TTC28: variants seen among roughly 807,000 people sequenced by gnomAD.
TTC28 encodes the protein tetratricopeptide repeat protein 28.
Under a neutral mutation model 198.0 loss-of-function variants are expected in TTC28, and 61 were observed. The ratio of observed to expected loss-of-function variants is 0.31; its 90% CI spans 0.25 to 0.38. TTC28 has a LOEUF of 0.38. Ranked by LOEUF, TTC28 falls within the 10% of genes least tolerant of loss-of-function variation. The pLI, the probability that TTC28 is intolerant of heterozygous loss-of-function variation, is 1.00. For synonymous variants in TTC28, 1,171 were observed against 1,297.8 expected, an observed-to-expected ratio of 0.90 and a Z score of 2.10; for missense variants, 2,678 against 3,164.0, an observed-to-expected ratio of 0.85 and a Z score of 3.69.
At chr22:28,482,205 G>GTT (rs1568971764) in intron 2 of TTC28, among the ~76,000 whole-genome samples, 3 of 102,784 alleles carry the variant, frequency 2.9e-5, no homozygotes, top group African/African-American at 1.0e-4. Flanking sequence ...GTAATGGGCA[G>GTT]TCTTTTTTTT....
intron 2 of TTC28, among the ~76,000 whole-genome samples, chr22:28,321,264 T>C (rs2045442003): frequency 6.6e-6 from 1 of 152,178 alleles, no homozygotes; most frequent in Non-Finnish European, 1.5e-5. Context: ...AATACATTTA[T>C]ATGAAAGGTT....
In TTC28 at chr22:28,315,226, AG is replaced by A. The variant is rs535936253; in HGVS notation, c.382-8584del. On this transcript the variant is annotated intron_variant, in intron 2 of 22. Transcript: ENST00000397906. Reference sequence around the variant, plus strand: ...CAGGGAGGAGGATGGGACAAGGTGAAGCTAAAATGTCAAAGACTTTTATGCC... The same window carrying A: ...CAGGGAGGAGGATGGGACAAGGTGAACTAAAATGTCAAAGACTTTTATGCC... 8.5e-5 allele frequency among the ~76,000 whole-genome samples: 13 copies of A among 152,310 alleles called. No homozygotes were observed. In the South Asian group the frequency reaches 2.3e-3, roughly 27 times the overall value.
intron 10 of TTC28, among the ~76,000 whole-genome samples, chr22:28,097,801 C>A (rs1283969957): frequency 6.6e-6 from 1 of 152,124 alleles, no homozygotes; most frequent in Non-Finnish European, 1.5e-5. Flanking sequence ...TAAATGTCTC[C>A]TTTTACTCTA....
intron 2 of TTC28, among the ~76,000 whole-genome samples, chr22:28,327,279 A>C (rs2045547851): frequency 6.6e-6 from 1 of 152,130 alleles, no homozygotes. Flanking sequence ...TTGTAACCCC[A>C]ATTCTCATAT....
intron 12 of TTC28, among the ~76,000 whole-genome samples, chr22:28,079,646 T>C (rs957932951): frequency 3.3e-5 from 5 of 152,190 alleles, no homozygotes; most frequent in Non-Finnish European, 7.4e-5. Flanking sequence ...ATGTAGTATT[T>C]GTCTTTCTTT....
At chr22:28,444,910 A>G (rs1227486163) in intron 2 of TTC28, among the ~76,000 whole-genome samples, 2 of 152,174 alleles carry the variant, frequency 1.3e-5, no homozygotes, top group Admixed American at 6.5e-5. Flanking sequence ...GTCACAAGTA[A>G]CTCCAATACT....
chr22:28,183,510 T>G (rs1449824290), intron 5 of TTC28, among the ~76,000 whole-genome samples: 2 of 152,192 alleles, frequency 1.3e-5, no homozygotes, highest in Non-Finnish European at 2.9e-5. Context: ...TGACATTCTA[T>G]CAGGCCATTT....
chr22:28,036,997 A>G (rs1277875873), intron 12 of TTC28, among the ~76,000 whole-genome samples: 1 of 152,048 alleles, frequency 6.6e-6, no homozygotes, highest in Non-Finnish European at 1.5e-5. Flanking sequence ...GAATAGACCA[A>G]TAGGCTCTGA....
intron 5 of TTC28, among the ~76,000 whole-genome samples, chr22:28,216,202 T>C (rs1011358877): frequency 1.3e-5 from 2 of 152,170 alleles, no homozygotes; most frequent in Non-Finnish European, 2.9e-5. Context: ...TTTGAAAGGC[T>C]TAGAGTACAC....
chr22:28,167,475 G>A (rs1288422879), intron 5 of TTC28, among the ~76,000 whole-genome samples: 15 of 152,160 alleles, frequency 9.9e-5, no homozygotes, highest in Non-Finnish European at 1.0e-4. Context: ...TATACACCAC[G>A]ATCACGTGGA....
At chr22:28,377,183 C>T (rs1292092268) in intron 2 of TTC28, among the ~76,000 whole-genome samples, 1 of 112,788 alleles carries the variant, frequency 8.9e-6, no homozygotes, top group Non-Finnish European at 1.8e-5. Context: ...ATACATAGGA[C>T]ATAATATATT....
chr22:28,615,690 C>G lies in TTC28; in HGVS notation c.381+13862G>C, dbSNP rs559619680. On this transcript the variant is annotated intron_variant, in intron 2 of 22. Transcript: ENST00000397906. ...AACCATCATTCTCAGCAAACTAACACAAGGACAGAAAACCAAAGACCACAT... is the reference window on the plus strand; with the variant it reads ...AACCATCATTCTCAGCAAACTAACAGAAGGACAGAAAACCAAAGACCACAT... Among the ~76,000 whole-genome samples, 147 of 148,422 alleles carry G rather than the reference C, an allele frequency of 9.9e-4. 1 individual carries two copies. The highest frequency in any genetic ancestry group is 1.6e-3 in the Non-Finnish European group (110 of 67,794).
At chr22:28,084,581 G>A (rs1232342204) in intron 12 of TTC28, among the ~76,000 whole-genome samples, 1 of 152,126 alleles carries the variant, frequency 6.6e-6, no homozygotes, top group Admixed American at 6.5e-5. Flanking sequence ...CAGAAAAACT[G>A]GAAACTCTAA....
rs1332912006 is a variant in TTC28, at chr22:27,999,189, C to G, written c.4470G>C (p.Lys1490Asn). 6.4e-7 allele frequency: 1 copy of G among 1,550,944 alleles called. No individual in the cohort carries two copies. The highest frequency in any genetic ancestry group is 8.7e-7 in the Non-Finnish European group (1 of 1,146,990). ...TSMAAVIGNP[K>N]LPSAVMDRWL... Reference sequence around the variant, plus strand: ...ACCTGTCCATCACGGCCGATGGTAGCTTGGGGTTGCCGATGACAGCCGCCA... The same window carrying G: ...ACCTGTCCATCACGGCCGATGGTAGGTTGGGGTTGCCGATGACAGCCGCCA... The change falls in exon 16 of 23, where the codon AAG (lysine) becomes AAC (asparagine). Residue 1490 changes from lysine (K) to asparagine (N), a missense_variant. By Grantham distance (94) the Lys-to-Asn change is moderately conservative (BLOSUM62 0). Transcript: ENST00000397906.
chr22:28,127,896 T>A (rs927610956), intron 6 of TTC28, among the ~76,000 whole-genome samples: 1 of 145,012 alleles, frequency 6.9e-6, no homozygotes. Context: ...CCTGGCTAAT[T>A]TTTTTTTTTT....
At chr22:28,550,916 T>C (rs1362604162) in intron 2 of TTC28, among the ~76,000 whole-genome samples, 2 of 152,088 alleles carry the variant, frequency 1.3e-5, no homozygotes, top group African/African-American at 4.8e-5. Context: ...ACTATTCTTA[T>C]ATCAGACAAA....
At chr22:28,517,253 T>A (rs2048807794) in intron 2 of TTC28, among the ~76,000 whole-genome samples, 1 of 152,190 alleles carries the variant, frequency 6.6e-6, no homozygotes, top group Non-Finnish European at 1.5e-5. Flanking sequence ...GGTTTCCAGC[T>A]TCATCCATGT....
chr22:28,584,272 A>C (rs945688600), intron 2 of TTC28, among the ~76,000 whole-genome samples: 1 of 152,030 alleles, frequency 6.6e-6, no homozygotes, highest in Non-Finnish European at 1.5e-5. Flanking sequence ...AGTAGCTCTC[A>C]TATCTCCTGA....
At chr22:28,109,672 T>TTGGGAGC (rs1942431447) in intron 6 of TTC28, among the ~76,000 whole-genome samples, 1 of 152,222 alleles carries the variant, frequency 6.6e-6, no homozygotes, top group Non-Finnish European at 1.5e-5. Context: ...TAATGGTAAC[T>TTGGGAGC]TGGGAGCTGG....
Sources: allele counts gnomAD v4.1 joint callset (sites outside exome capture counted in the v4.1 genomes callset), GRCh38; gene constraint gnomAD v4.1.1; transcripts MANE v1.5; gene names NCBI Gene and HGNC (gene_info 2026-07-23, HGNC 2026-07-21).